The following SAMSN1 variants were observed in gnomAD, a reference collection of about 807,000 sequenced individuals.
SAMSN1 encodes the protein SAM domain-containing protein SAMSN-1.
In SAMSN1, 31 loss-of-function variants were observed where a neutral mutation model predicts 42.0. The ratio of observed to expected loss-of-function variants is 0.74; its 90% CI spans 0.55 to 1.00. SAMSN1 has a LOEUF of 1.00. SAMSN1 is among the 50% of genes least tolerant of loss of function. The pLI, the probability that SAMSN1 is intolerant of heterozygous loss-of-function variation, is 0.00. For missense variants in SAMSN1, 464 were observed against 439.4 expected (o/e 1.06, Z -0.50); for synonymous variants, 178 against 151.9 (o/e 1.17, Z -1.26).
At chr21:14,643,225 CTTTA>C (rs1013412940) in intron 1 of SAMSN1, 2 of 641,800 alleles carry the variant, frequency 3.1e-6, no homozygotes, top group African/African-American at 3.6e-5. Context: ...TTATATAGTA[CTTTA>C]TTTAAATTAT....
chr21:14,487,335 CTTA>C (rs1415894745), intron 7 of SAMSN1, among the ~76,000 whole-genome samples: 1 of 145,530 alleles, frequency 6.9e-6, no homozygotes, highest in Non-Finnish European at 1.5e-5. Flanking sequence ...TACTCTTTAT[CTTA>C]TTTATTTTTT....
intron 5 of SAMSN1, among the ~76,000 whole-genome samples, chr21:14,603,426 T>C (rs748171735): frequency 1.3e-5 from 2 of 152,190 alleles, no homozygotes; most frequent in Non-Finnish European, 2.9e-5. Context: ...GAGACCACTA[T>C]GACTCAGAGA....
At chr21:14,590,032 C>T (rs1982032391) in intron 7 of SAMSN1, among the ~76,000 whole-genome samples, 1 of 152,088 alleles carries the variant, frequency 6.6e-6, no homozygotes, top group African/African-American at 2.4e-5. Context: ...ACAGTTTTCT[C>T]TAAGTTTTCC....
At chr21:14,615,863 CAAAAAAAAAAAAAA>C (rs34255188) in intron 3 of SAMSN1, 68 of 116,458 alleles carry the variant, frequency 5.8e-4, no homozygotes, top group Non-Finnish European at 7.6e-4. Context: ...ATGACAGCTG[CAAAAAAAAAAAAAA>C]AAAAAAAAAA....
In SAMSN1 at chr21:14,514,819, C is replaced by T. The variant is rs117996656; in HGVS notation, c.279+2073G>A. The stretch of plus-strand genomic sequence containing the variant: ...TATTAGGTTTTGGATGTCTACTGGA[C>T]ATCTAAATGAAGATATCAAATAAGC... On this transcript the variant is annotated intron_variant, in intron 3 of 7. Coordinates refer to ENST00000400566, the MANE Select transcript of SAMSN1 (RefSeq NM_022136.5). Among the ~76,000 whole-genome samples, 103 of 152,064 alleles carry T rather than the reference C, an allele frequency of 6.8e-4. 3 individuals carry two copies. The East Asian group carries it at 0.019, about 29-fold the overall frequency.
chr21:14,490,522 G>A (rs1036349445), intron 7 of SAMSN1, among the ~76,000 whole-genome samples: 7 of 152,058 alleles, frequency 4.6e-5, no homozygotes. Context: ...CGTTATCCAG[G>A]GAGGAAATTT....
intron 2 of SAMSN1, among the ~76,000 whole-genome samples, chr21:14,578,588 C>T (rs1386395881): frequency 1.4e-5 from 2 of 148,128 alleles, no homozygotes; most frequent in South Asian, 4.3e-4. Context: ...GAGGCTGAGG[C>T]AGGAGAATCA....
intron 5 of SAMSN1, among the ~76,000 whole-genome samples, chr21:14,608,268 G>T (rs1382363028): frequency 6.6e-6 from 1 of 152,234 alleles, no homozygotes; most frequent in Non-Finnish European, 1.5e-5. Flanking sequence ...TCTCCTGGTA[G>T]CATCCTCATG....
chr21:14,593,919 A>G, intron 7 of SAMSN1: 1 of 655,738 alleles, frequency 1.5e-6, no homozygotes, highest in South Asian at 1.7e-5. Flanking sequence ...GAAGTAATAA[A>G]GAACTATAGA....
intron 2 of SAMSN1, among the ~76,000 whole-genome samples, chr21:14,554,703 T>C (rs1190122391): frequency 6.7e-6 from 1 of 149,714 alleles, no homozygotes; most frequent in South Asian, 2.1e-4. Context: ...TTTTTCTTTT[T>C]TTTTTTTTTT....
At chr21:14,577,078 C>T (rs1417232614) in intron 2 of SAMSN1, among the ~76,000 whole-genome samples, 3 of 79,638 alleles carry the variant, frequency 3.8e-5, no homozygotes, top group Non-Finnish European at 6.6e-5. Context: ...TTTTTTGAGA[C>T]GGAATCTCAC....
upstream of SAMSN1, among the ~76,000 whole-genome samples, chr21:14,585,104 T>C (rs1329408327): frequency 6.6e-6 from 1 of 152,118 alleles, no homozygotes. Flanking sequence ...TGATGAGATA[T>C]GCTTAGAAGC....
Position 14,647,491 on chromosome 21 carries a change from A to C in SAMSN1, c.25-4358T>G, listed in dbSNP as rs1475000923. ...TGGGCTCTTTTTTGGTTCCCTATGAACTTTAAAGTAGTTTTTTCCAATTCT... is the reference window on the plus strand; with the variant it reads ...TGGGCTCTTTTTTGGTTCCCTATGACCTTTAAAGTAGTTTTTTCCAATTCT... On this transcript the variant is annotated intron_variant, in intron 1 of 15. Coordinates refer to the SAMSN1 transcript ENST00000647101. 1.3e-5 allele frequency among the ~76,000 whole-genome samples: 2 copies of C among 148,988 alleles called. 1 individual carries two copies. Among genetic ancestry groups the C allele is most frequent in the East Asian group, 3.9e-4 (2 of 5,116 alleles).
chr21:14,652,111 T>C (rs1292256418), intron 1 of SAMSN1, among the ~76,000 whole-genome samples: 1 of 151,892 alleles, frequency 6.6e-6, no homozygotes, highest in East Asian at 1.9e-4. Context: ...AAATGTCCAT[T>C]CTACTCAAAG....
At chr21:14,620,044 A>G (rs1162788924) in intron 2 of SAMSN1, among the ~76,000 whole-genome samples, 1 of 152,144 alleles carries the variant, frequency 6.6e-6, no homozygotes. Context: ...AGGGGGAATT[A>G]TAATTCTATG....
At chr21:14,602,006 C>A in intron 6 of SAMSN1, 1 of 681,160 alleles carries the variant, frequency 1.5e-6, no homozygotes, top group Non-Finnish European at 2.7e-6. Context: ...CACGCAAATG[C>A]TGATTATTCA....
intron 5 of SAMSN1, among the ~76,000 whole-genome samples, chr21:14,501,731 C>T (rs541627804): frequency 6.6e-6 from 1 of 152,164 alleles, no homozygotes; most frequent in Non-Finnish European, 1.5e-5. Context: ...ATAAATTATG[C>T]TACTTAATTC....
intron 2 of SAMSN1, among the ~76,000 whole-genome samples, chr21:14,642,826 T>C (rs1983626344): frequency 6.6e-6 from 1 of 152,100 alleles, no homozygotes; most frequent in African/African-American, 2.4e-5. Flanking sequence ...GTGGTTCATA[T>C]TAATAAGCCA....
At chr21:14,638,895 C>T (rs375309466) in intron 2 of SAMSN1, among the ~76,000 whole-genome samples, 6 of 152,180 alleles carry the variant, frequency 3.9e-5, no homozygotes, top group African/African-American at 7.2e-5. Flanking sequence ...CAATTTTATC[C>T]GCTGCATCAT....
Sources: allele counts gnomAD v4.1 joint callset (sites outside exome capture counted in the v4.1 genomes callset), GRCh38; gene constraint gnomAD v4.1.1; transcripts MANE v1.5; gene names NCBI Gene and HGNC (gene_info 2026-07-23, HGNC 2026-07-21).